The following MEGF11 variants were observed in gnomAD, a reference collection of about 807,000 sequenced individuals.
The protein encoded by MEGF11 is multiple epidermal growth factor-like domains protein 11.
MEGF11 carries 126 observed loss-of-function variants against 146.6 expected under a neutral mutation model. The observed-to-expected ratio is 0.86, with a 90% CI of 0.74 to 1.00. MEGF11 has a LOEUF of 1.00. Among genes scored for constraint, MEGF11 ranks in the 50% least tolerant of loss-of-function variants. MEGF11 has a pLI of 0.00. For missense variants in MEGF11, 1,509 were observed against 1,521.2 expected (o/e 0.99, Z 0.13); for synonymous variants, 532 against 583.4 (o/e 0.91, Z 1.27).
intron 1 of MEGF11, among the ~76,000 whole-genome samples, chr15:66,246,647 A>C (rs866964524): frequency 6.6e-6 from 1 of 150,414 alleles, no homozygotes; most frequent in Non-Finnish European, 1.5e-5. Flanking sequence ...TCCACCAAAA[A>C]AAAAAATAAA....
At chr15:65,937,668 C>T (rs2079838725) in intron 10 of MEGF11, among the ~76,000 whole-genome samples, 1 of 152,232 alleles carries the variant, frequency 6.6e-6, no homozygotes, top group African/African-American at 2.4e-5. Context: ...TGGCCACATG[C>T]CATGTGACTC....
intron 4 of MEGF11, among the ~76,000 whole-genome samples, chr15:66,101,011 G>A (rs1358668872): frequency 8.8e-5 from 13 of 147,436 alleles, no homozygotes; most frequent in Admixed American, 6.1e-4. Flanking sequence ...GGATGGGCAC[G>A]TGGGTGGGTG....
intron 10 of MEGF11, among the ~76,000 whole-genome samples, chr15:65,941,630 C>G (rs997120308): frequency 6.6e-6 from 1 of 152,194 alleles, no homozygotes; most frequent in Non-Finnish European, 1.5e-5. Flanking sequence ...ACCTGTAGCC[C>G]CTTCTCCTTT....
At chr15:65,922,231 C>G (rs1460822879) in intron 15 of MEGF11, 107 bp downstream of exon 15, 4 of 1,389,918 alleles carry the variant, frequency 2.9e-6, no homozygotes, top group East Asian at 5.0e-5. Context: ...AGGGAAGGAG[C>G]TACCTCCATA....
chr15:66,241,192 C>G (rs1474731610), intron 1 of MEGF11, among the ~76,000 whole-genome samples: 1 of 152,188 alleles, frequency 6.6e-6, no homozygotes, highest in Non-Finnish European at 1.5e-5. Flanking sequence ...AGGGTCTCTA[C>G]CCACTGAACC....
chr15:66,252,542 T>C (rs113969312), intron 1 of MEGF11, among the ~76,000 whole-genome samples: 25 of 151,994 alleles, frequency 1.6e-4, no homozygotes, highest in African/African-American at 6.0e-4. Flanking sequence ...CGGCTGCCGC[T>C]GGATGGAGCC....
chr15:65,980,419 T>G (rs1381326866), intron 7 of MEGF11, among the ~76,000 whole-genome samples: 2 of 140,238 alleles, frequency 1.4e-5, no homozygotes, highest in East Asian at 5.0e-4. Context: ...TTTTTTTTTT[T>G]GTGAGACAGA....
At chr15:66,047,840 C>T (rs333605) in intron 5 of MEGF11, among the ~76,000 whole-genome samples, 2 of 152,162 alleles carry the variant, frequency 1.3e-5, no homozygotes, top group Admixed American at 1.3e-4. Flanking sequence ...TCTTGGCCTA[C>T]ATGCCCTCCC....
At chr15:66,139,412 A>G (rs2089041067) in intron 1 of MEGF11, among the ~76,000 whole-genome samples, 1 of 152,200 alleles carries the variant, frequency 6.6e-6, no homozygotes, top group Non-Finnish European at 1.5e-5. Flanking sequence ...TTGTTCATTA[A>G]GGATAAAAGC....
At chr15:65,915,180 A>C (rs929660928) in intron 19 of MEGF11, among the ~76,000 whole-genome samples, 21 of 152,200 alleles carry the variant, frequency 1.4e-4, no homozygotes, top group African/African-American at 4.8e-4. Context: ...AACTTGGCAG[A>C]TATTCTAACT....
chr15:66,150,494 T>C (rs1450631475), intron 1 of MEGF11, among the ~76,000 whole-genome samples: 3 of 152,030 alleles, frequency 2.0e-5, no homozygotes, highest in East Asian at 3.9e-4. Context: ...TGGGGCTTTT[T>C]CCCCCAATTG....
intron 5 of MEGF11, among the ~76,000 whole-genome samples, chr15:65,997,618 G>T (rs979573962): frequency 1.3e-5 from 2 of 151,928 alleles, no homozygotes; most frequent in Non-Finnish European, 2.9e-5. Context: ...TCATCCTTTT[G>T]TTTACTGTCT....
At chr15:66,106,517 T>TGAGGCCACAAG in intron 4 of MEGF11, among the ~76,000 whole-genome samples, 1 of 152,166 alleles carries the variant, frequency 6.6e-6, no homozygotes, top group East Asian at 1.9e-4. Flanking sequence ...ATCTTCCCAA[T>TGAGGCCACAAG]GAGGCCACAA....
intron 24 of MEGF11, among the ~76,000 whole-genome samples, chr15:65,904,500 C>T (rs768079116): frequency 9.2e-5 from 14 of 152,206 alleles, no homozygotes; most frequent in African/African-American, 1.7e-4. Context: ...TCAGCCTTAT[C>T]GCTGTCTTGT....
At chr15:66,178,251 G>A (rs1357205013) in intron 1 of MEGF11, among the ~76,000 whole-genome samples, 1 of 152,172 alleles carries the variant, frequency 6.6e-6, no homozygotes, top group Admixed American at 6.5e-5. Context: ...TTCCCAAAGT[G>A]CTATGATTAC....
rs143085721 is a variant in MEGF11 at position 66,126,531 on chromosome 15, A to G, written c.98+1775T>C. ...CAGGTGTACAAAATTAGTGAGTACA[A>G]ATGGGGCTCAGACAGAGAGAGAAGT... On this transcript the variant is annotated intron_variant, in intron 2 of 25. Coordinates refer to ENST00000395614, the MANE Select transcript of MEGF11 (RefSeq NM_001385028.1). Among the ~76,000 whole-genome samples, 422 of 152,344 alleles carry G rather than the reference A, an allele frequency of 2.8e-3. 3 individuals carry two copies. The highest frequency in any genetic ancestry group is 0.021 in the East Asian group (107 of 5,186).
intron 5 of MEGF11, among the ~76,000 whole-genome samples, chr15:65,985,911 G>C (rs1027280545): frequency 1.3e-5 from 2 of 151,704 alleles, no homozygotes; most frequent in Non-Finnish European, 2.9e-5. Context: ...AGACTGGCAT[G>C]TGAGTGTGTG....
At chr15:66,214,737 C>T (rs569622271) in intron 1 of MEGF11, among the ~76,000 whole-genome samples, 5 of 152,200 alleles carry the variant, frequency 3.3e-5, no homozygotes, top group East Asian at 1.9e-4. Flanking sequence ...ACCCCAAGAC[C>T]GGCCTCTCCT....
At chr15:66,178,525 T>G (rs780784009) in intron 1 of MEGF11, among the ~76,000 whole-genome samples, 8 of 152,220 alleles carry the variant, frequency 5.3e-5, no homozygotes, top group Non-Finnish European at 1.0e-4. Context: ...TCCCCAGATA[T>G]TGTTTGGTTC....
Sources: allele counts gnomAD v4.1 joint callset (sites outside exome capture counted in the v4.1 genomes callset), GRCh38; gene constraint gnomAD v4.1.1; transcripts MANE v1.5; gene names NCBI Gene and HGNC (gene_info 2026-07-23, HGNC 2026-07-21).